SLC22A25: variants seen among roughly 807,000 people sequenced by gnomAD.
SLC22A25 encodes MGI:2442751, MGI:2385316, MGI:3042283, MGI:3645714, MGI:3605624, MGI:2442750.
In SLC22A25, 44 loss-of-function variants were observed where a neutral mutation model predicts 45.9. The ratio of observed to expected loss-of-function variants is 0.96; its 90% CI spans 0.75 to 1.23. The LOEUF is 1.23. Among genes scored for constraint, SLC22A25 ranks in the 50% most tolerant of loss-of-function variants. SLC22A25 has a pLI of 0.00. For synonymous variants in SLC22A25, 283 were observed against 238.6 expected (o/e 1.19, Z -1.72); for missense variants, 800 against 666.4 (o/e 1.20, Z -2.21).
rs1168392506 is a variant in SLC22A25, at chr11:63,166,230, G to A, written c.1099C>T (p.Leu367Phe). ...RFASTIPFWG[L>F]TLHLQHLGNN... is the part of the protein sequence containing the mutation. The stretch of plus-strand genomic sequence containing the variant: ...CCCAGATGCTGGAGGTGCAAAGTAA[G>A]GCCCCAAAAAGGGATGGTACTTGCA... Residue 367 changes from leucine (L) to phenylalanine (F), a missense_variant, in exon 10 of 12, where the codon CTT becomes TTT. Physicochemically the swap from Leu to Phe is conservative, Grantham distance 22. Coordinates refer to ENST00000306494, the MANE Select transcript of SLC22A25 (RefSeq NM_199352.6). The A allele has an allele frequency of 6.2e-7, 1 of 1,613,798 alleles. No individual in the cohort carries two copies. Among genetic ancestry groups the A allele is most frequent in the African/African-American group, 1.3e-5 (1 of 74,914 alleles).
intron 3 of SLC22A25, among the ~76,000 whole-genome samples, chr11:63,231,286 A>G (rs1319672890): frequency 6.6e-6 from 1 of 151,936 alleles, no homozygotes; most frequent in Non-Finnish European, 1.5e-5. Context: ...AAGTGTTCCT[A>G]TTTTTCCACA....
At chr11:63,220,137 A>G (rs926050178) in intron 5 of SLC22A25, 17 of 627,122 alleles carry the variant, frequency 2.7e-5, no homozygotes, top group Non-Finnish European at 3.4e-5. Flanking sequence ...AGAGGTTGTA[A>G]TACCTCTAAA....
chr11:63,159,574 A>G lies in SLC22A25; in HGVS notation c.*4250T>C, dbSNP rs567209865. On this transcript the variant is annotated 3_prime_UTR_variant, in exon 12 of 12. Coordinates refer to ENST00000306494, the MANE Select transcript of SLC22A25 (RefSeq NM_199352.6). The stretch of plus-strand genomic sequence containing the variant: ...TGAGTACATTAAACCTCTTTTCTTT[A>G]TAACTTACCCAGTCTCAGGTATGTC... 3.3e-5 allele frequency among the ~76,000 whole-genome samples: 5 copies of G among 152,158 alleles called. No individual in the cohort carries two copies. The highest frequency in any genetic ancestry group is 7.3e-5 in the Non-Finnish European group (5 of 68,034).
intron 9 of SLC22A25, among the ~76,000 whole-genome samples, chr11:63,175,643 T>C (rs1313382248): frequency 1.3e-5 from 2 of 152,082 alleles, no homozygotes; most frequent in Admixed American, 1.3e-4. Context: ...TCGTTTGTGC[T>C]TTTGGCATCA....
chr11:63,238,232 TAAC>T (rs1328173066), intron 2 of SLC22A25, among the ~76,000 whole-genome samples: 1 of 152,192 alleles, frequency 6.6e-6, no homozygotes, highest in East Asian at 1.9e-4. Context: ...TAGGTTATAT[TAAC>T]AACCACTTTT....
chr11:63,211,302 C>T (rs2089553209), intron 7 of SLC22A25, among the ~76,000 whole-genome samples: 1 of 152,156 alleles, frequency 6.6e-6, no homozygotes. Context: ...TGGAATACTC[C>T]TCTGCTGCCC....
chr11:63,202,627 C>A (rs1565098841), intron 7 of SLC22A25, among the ~76,000 whole-genome samples: 1 of 152,218 alleles, frequency 6.6e-6, no homozygotes, highest in Non-Finnish European at 1.5e-5. Context: ...CTGGGCAGGG[C>A]ATCTCTAAAA....
chr11:63,238,397 C>T lies in SLC22A25; in HGVS notation c.-577+320G>A, dbSNP rs985807898. 3.1e-4 allele frequency among the ~76,000 whole-genome samples: 32 copies of T among 103,928 alleles called. No individual in the cohort carries two copies. The South Asian group carries it at 4.3e-3, about 14-fold the overall frequency. The allele number at this position is 103,928 out of a possible 152,430, so 68.2% of individuals were successfully genotyped here. On this transcript the variant is annotated intron_variant, in intron 2 of 11. Coordinates refer to ENST00000306494, the MANE Select transcript of SLC22A25 (RefSeq NM_199352.6). ...GGGCATGGGGGTTTTGATCAACCTCCCAGTATTTTTAATTGCAACCACAGG... is the reference window on the plus strand; with the variant it reads ...GGGCATGGGGGTTTTGATCAACCTCTCAGTATTTTTAATTGCAACCACAGG...
chr11:63,211,838 G>A, intron 7 of SLC22A25, among the ~76,000 whole-genome samples: 1 of 151,958 alleles, frequency 6.6e-6, no homozygotes, highest in Non-Finnish European at 1.5e-5. Context: ...AAACTAAAGA[G>A]CTTCTGCACA....
chr11:63,166,231 G>GC lies in SLC22A25; in HGVS notation c.1097dup (p.Leu367ProfsTer92). 1 of 1,613,882 alleles carries GC rather than the reference G, an allele frequency of 6.2e-7. No individual in the cohort carries two copies. The highest frequency in any genetic ancestry group is 8.5e-7 in the Non-Finnish European group (1 of 1,179,890). On this transcript the variant is annotated frameshift_variant, in exon 10 of 12. Coordinates refer to ENST00000306494, the MANE Select transcript of SLC22A25 (RefSeq NM_199352.6). LOFTEE classifies it high-confidence loss of function. Reference sequence around the variant, plus strand: ...CCAGATGCTGGAGGTGCAAAGTAAGGCCCCAAAAAGGGATGGTACTTGCAA... The same window carrying GC: ...CCAGATGCTGGAGGTGCAAAGTAAGGCCCCCAAAAAGGGATGGTACTTGCAA...
chr11:63,224,349 G>A (rs1186953943), intron 5 of SLC22A25, among the ~76,000 whole-genome samples: 2 of 151,886 alleles, frequency 1.3e-5, no homozygotes, highest in Non-Finnish European at 2.9e-5. Flanking sequence ...TTTCTTGTAG[G>A]CAACAGATCA....
At chr11:63,217,836 G>A in intron 5 of SLC22A25, 101 bp from the exon 6 acceptor site, 1 of 1,376,796 alleles carries the variant, frequency 7.3e-7, no homozygotes, top group Non-Finnish European at 9.8e-7. Flanking sequence ...TGTTTAACAA[G>A]TGAAACTTTA....
chr11:63,190,470 A>T (rs1037471259), intron 7 of SLC22A25, among the ~76,000 whole-genome samples: 1 of 151,194 alleles, frequency 6.6e-6, no homozygotes, highest in Non-Finnish European at 1.5e-5. Context: ...AAGGTTTTTA[A>T]CTTCTTTGCC....
Position 63,229,336 on chromosome 11 carries a change from G to A in SLC22A25, c.317C>T (p.Pro106Leu). 6.2e-7 allele frequency: 1 copy of A among 1,613,292 alleles called. No homozygotes were observed. Among genetic ancestry groups the A allele is most frequent in the Non-Finnish European group, 8.5e-7 (1 of 1,179,536 alleles). Residue 106 changes from proline to leucine, a missense_variant, in exon 4 of 12, where the codon CCC (proline) becomes CTC (leucine). Physicochemically the swap from Pro to Leu is moderately conservative, Grantham distance 98. Transcript: ENST00000306494. The stretch of plus-strand genomic sequence containing the variant: ...CTCTGTATCTGGCTCACTCGTGTTG[G>A]GGAAGGTCCCATTCAGATGAATGAG... ...WKLIHLNGTF[P>L]NTSEPDTEPC...
rs1333117044 is a variant in SLC22A25, at chr11:63,161,412, CA to C, written c.*2411del. 2.0e-5 allele frequency among the ~76,000 whole-genome samples: 3 copies of C among 152,008 alleles called. No homozygotes were observed. The highest frequency in any genetic ancestry group is 4.4e-5 in the Non-Finnish European group (3 of 68,000). ...TGAGGACATGAGATTTGGGAGGGGC[CA>C]GGGGCAGAATGATATGGTTTGACTG... On this transcript the variant is annotated 3_prime_UTR_variant, in exon 12 of 12. Transcript: ENST00000306494.
At chr11:63,224,546 T>A (rs537059309) in intron 5 of SLC22A25, among the ~76,000 whole-genome samples, 1 of 152,308 alleles carries the variant, frequency 6.6e-6, no homozygotes, top group East Asian at 1.9e-4. Flanking sequence ...TGAAGGTGAT[T>A]TTCTCTGGTG....
intron 8 of SLC22A25, among the ~76,000 whole-genome samples, chr11:63,181,536 A>C (rs1241881370): frequency 6.6e-6 from 1 of 151,826 alleles, no homozygotes; most frequent in Admixed American, 6.6e-5. Context: ...ATGATGGATG[A>C]AGCTGGAAAC....
rs199991723 is a variant in SLC22A25, at chr11:63,217,726, T to A, written c.516A>T (p.Arg172Ser). Residue 172 changes from arginine to serine, a missense_variant, in exon 6 of 12, where the codon AGA (arginine) becomes AGT (serine). Transcript: ENST00000306494. ...GGTAAGACCATCTGAGCACGAACTT[T>A]CTCCCAAACCTGAGAAACAGGGGCA... is the stretch of plus-strand genomic sequence containing the variant. ...LYGHLSDRFG[R>S]KFVLRWSYLQ... is the part of the protein sequence containing the mutation. The A allele has an allele frequency of 6.2e-7, 1 of 1,606,422 alleles. No homozygotes were observed. Among genetic ancestry groups the A allele is most frequent in the Non-Finnish European group, 8.5e-7 (1 of 1,178,062 alleles).
At chr11:63,167,922 C>A in intron 9 of SLC22A25, 1 of 401,250 alleles carries the variant, frequency 2.5e-6, no homozygotes, top group Non-Finnish European at 5.0e-6. Context: ...AGAGCTCTGG[C>A]TGGCATCAGG....
Sources: gnomAD v4.1 joint callset for allele counts (sites outside exome capture counted in the v4.1 genomes callset) on GRCh38, gnomAD v4.1.1 for gene constraint, MANE v1.5 for transcripts, NCBI Gene and HGNC (gene_info 2026-07-23, HGNC 2026-07-21) for gene names.